ANO6: variants seen among roughly 807,000 people sequenced by gnomAD.
The protein encoded by ANO6 is anoctamin-6.
Under a neutral mutation model 117.5 loss-of-function variants are expected in ANO6, and 106 were observed. The ratio of observed to expected loss-of-function variants is 0.90; its 90% CI spans 0.77 to 1.06. ANO6 has a LOEUF of 1.06. ANO6 is among the 50% of genes least tolerant of loss of function. The probability of loss-of-function intolerance (pLI) is 0.00; values close to 1 mark genes in which losing one functional copy is unlikely to be tolerated. For synonymous variants in ANO6, 367 were observed against 385.1 expected (o/e 0.95, Z 0.55); for missense variants, 955 against 1,121.1 (o/e 0.85, Z 2.12).
intron 1 of ANO6, among the ~76,000 whole-genome samples, chr12:45,271,821 T>G (rs1938401895): frequency 6.6e-6 from 1 of 152,190 alleles, no homozygotes; most frequent in Non-Finnish European, 1.5e-5. Context: ...TTTTTGGAAC[T>G]AAAACTGCAA....
At chr12:45,225,768 C>T (rs143697972) in intron 1 of ANO6, among the ~76,000 whole-genome samples, 8 of 152,228 alleles carry the variant, frequency 5.3e-5, no homozygotes, top group Non-Finnish European at 7.4e-5. Flanking sequence ...GGATTACAGG[C>T]GTGAGACATT....
At chr12:45,401,219 C>G (rs915733158) in intron 12 of ANO6, among the ~76,000 whole-genome samples, 9 of 152,236 alleles carry the variant, frequency 5.9e-5, no homozygotes, top group Non-Finnish European at 1.3e-4. Context: ...TGGCAGTGCT[C>G]AGACTCTCCC....
chr12:45,328,618 T>G (rs1940555207), intron 2 of ANO6, among the ~76,000 whole-genome samples: 1 of 152,184 alleles, frequency 6.6e-6, no homozygotes, highest in African/African-American at 2.4e-5. Context: ...TTTCATATTT[T>G]GAGAAATCTA....
At position 45,430,498 on chromosome 12, in the gene ANO6, T is replaced by C; in HGVS notation, c.*1187T>C. On this transcript the variant is annotated 3_prime_UTR_variant, in exon 20 of 20. Transcript: ENST00000320560. ...TGTGGCTTCCTTGCATCCTCCATCCTGTTACTCTGGGCCCAGTAATTTGAT... is the reference window on the plus strand; with the variant it reads ...TGTGGCTTCCTTGCATCCTCCATCCCGTTACTCTGGGCCCAGTAATTTGAT... The C allele has an allele frequency of 1.0e-6, 1 of 985,446 alleles. No homozygotes were observed. Among genetic ancestry groups the C allele is most frequent in the Non-Finnish European group, 1.2e-6 (1 of 829,958 alleles). 61.0% of individuals were successfully genotyped at this position (985,446 alleles called of 1,614,324 possible).
chr12:45,352,835 C>T (rs571018299), intron 7 of ANO6, among the ~76,000 whole-genome samples: 1 of 152,204 alleles, frequency 6.6e-6, no homozygotes, highest in East Asian at 1.9e-4. Flanking sequence ...AGGATCCAAA[C>T]ATGGTCAAGA....
chr12:45,216,135 G>C lies in ANO6; in HGVS notation c.-187G>C. ...CTCGGCAGGCGAGAGGCGTCCTCCGGCTCTGGGCTCCGGTCGGTGGGTGCC... is the reference window on the plus strand; with the variant it reads ...CTCGGCAGGCGAGAGGCGTCCTCCGCCTCTGGGCTCCGGTCGGTGGGTGCC... On this transcript the variant is annotated 5_prime_UTR_variant, in exon 1 of 20. Transcript: ENST00000320560. 1 of 633,244 alleles carries C rather than the reference G, an allele frequency of 1.6e-6. No individual in the cohort carries two copies. The highest frequency in any genetic ancestry group is 2.7e-6 in the Non-Finnish European group (1 of 367,082). 39.2% of individuals were successfully genotyped at this position (633,244 alleles called of 1,614,324 possible). A position where few individuals can be genotyped will look rare whatever the true frequency, so the allele number is the denominator to read the frequency against.
intron 1 of ANO6, among the ~76,000 whole-genome samples, chr12:45,247,242 G>A (rs1947839793): frequency 6.6e-6 from 1 of 152,050 alleles, no homozygotes; most frequent in African/African-American, 2.4e-5. Context: ...ATCCTACTTT[G>A]TAATGAAATT....
chr12:45,370,447 A>T (rs949973664), intron 9 of ANO6, among the ~76,000 whole-genome samples: 1 of 152,202 alleles, frequency 6.6e-6, no homozygotes, highest in South Asian at 2.1e-4. Flanking sequence ...ATGTGTTTCC[A>T]TTGACATTTT....
intron 1 of ANO6, among the ~76,000 whole-genome samples, chr12:45,240,785 G>T (rs369380162): frequency 6.6e-6 from 1 of 152,218 alleles, no homozygotes; most frequent in Admixed American, 6.5e-5. Context: ...GTCTGTAAAG[G>T]ATTTTATTTC....
intron 16 of ANO6, among the ~76,000 whole-genome samples, chr12:45,410,550 A>G (rs1943061343): frequency 6.6e-6 from 1 of 152,248 alleles, no homozygotes; most frequent in Admixed American, 6.5e-5. Context: ...ATTATGCATG[A>G]CACGCTTATA....
Position 45,429,798 on chromosome 12 carries a change from A to G in ANO6, c.*487A>G. The stretch of plus-strand genomic sequence containing the variant: ...GCTTTCATGTGATTAAAAATAGCTA[A>G]CTAGACTCAAGGATTCACAATATTT... On this transcript the variant is annotated 3_prime_UTR_variant, in exon 20 of 20. Transcript: ENST00000320560. 1 of 995,894 alleles carries G rather than the reference A, an allele frequency of 1.0e-6. No individual in the cohort carries two copies. Among genetic ancestry groups the G allele is most frequent in the Non-Finnish European group, 1.2e-6 (1 of 835,818 alleles). 61.7% of individuals were successfully genotyped at this position (995,894 alleles called of 1,614,324 possible).
chr12:45,243,684 A>C (rs777731885), intron 1 of ANO6, among the ~76,000 whole-genome samples: 3 of 151,840 alleles, frequency 2.0e-5, no homozygotes, highest in Admixed American at 6.6e-5. Context: ...CAAGTAGCTG[A>C]GATTACAGTC....
chr12:45,273,655 T>G (rs1275403506), intron 1 of ANO6, among the ~76,000 whole-genome samples: 1 of 152,248 alleles, frequency 6.6e-6, no homozygotes, highest in Non-Finnish European at 1.5e-5. Context: ...AGAATGGTTC[T>G]GTTCTGCTCC....
chr12:45,328,442 A>C (rs984006737), intron 2 of ANO6, among the ~76,000 whole-genome samples: 4 of 152,018 alleles, frequency 2.6e-5, no homozygotes, highest in African/African-American at 9.7e-5. Flanking sequence ...AATTTGATCT[A>C]GTGTCTTCTA....
chr12:45,226,577 TTTATC>T (rs1200105728), intron 1 of ANO6, among the ~76,000 whole-genome samples: 1 of 151,510 alleles, frequency 6.6e-6, no homozygotes, highest in Admixed American at 6.6e-5. Flanking sequence ...TAAAGCTTGT[TTTATC>T]TAAACTAAGA....
At chr12:45,228,123 G>GTTT (rs57127691) in intron 1 of ANO6, 153 of 283,810 alleles carry the variant, frequency 5.4e-4, no homozygotes, top group South Asian at 6.3e-4. Flanking sequence ...TTTTTGTGTT[G>GTTT]TTTTTTTTTT....
At chr12:45,296,860 A>G (rs1356430669) in intron 1 of ANO6, among the ~76,000 whole-genome samples, 2 of 152,238 alleles carry the variant, frequency 1.3e-5, no homozygotes, top group Admixed American at 1.3e-4. Context: ...AGTACCAGGC[A>G]CAAAATAGTA....
At chr12:45,336,301 A>T (rs1257636512) in intron 3 of ANO6, among the ~76,000 whole-genome samples, 2 of 152,038 alleles carry the variant, frequency 1.3e-5, no homozygotes, top group Non-Finnish European at 2.9e-5. Context: ...TTTTTGCCTA[A>T]TAAGATAGTA....
chr12:45,435,703 C>A (rs1943699556), downstream of ANO6, among the ~76,000 whole-genome samples: 2 of 86,044 alleles, frequency 2.3e-5, no homozygotes, highest in Non-Finnish European at 5.6e-5. Context: ...GAGTACAACA[C>A]AAACTCACTG....
Sources: allele counts gnomAD v4.1 joint callset (sites outside exome capture counted in the v4.1 genomes callset), GRCh38; gene constraint gnomAD v4.1.1; transcripts MANE v1.5; gene names NCBI Gene and HGNC (gene_info 2026-07-23, HGNC 2026-07-21).